CLPB: variants seen among roughly 807,000 people sequenced by gnomAD.
CLPB encodes the protein mitochondrial disaggregase.
In CLPB, 40 loss-of-function variants were observed where a neutral mutation model predicts 78.4. The ratio of observed to expected loss-of-function variants is 0.51; its 90% CI spans 0.40 to 0.66. The LOEUF (loss-of-function observed/expected upper bound fraction) is 0.66. Among genes scored for constraint, CLPB ranks in the 30% least tolerant of loss-of-function variants. The pLI is 0.00. For missense variants in CLPB, 780 were observed against 886.9 expected (o/e 0.88, Z 1.53); for synonymous variants, 333 against 348.0 (o/e 0.96, Z 0.48).
At chr11:72,403,150 G>A in intron 2 of CLPB, 98 bp from the exon 3 acceptor site, 1 of 1,098,826 alleles carries the variant, frequency 9.1e-7, no homozygotes, top group East Asian at 2.4e-5. Context: ...TCAGTGTATG[G>A]CTTATCATGG....
At chr11:72,377,578 TAA>T (rs1490781803) in intron 4 of CLPB, among the ~76,000 whole-genome samples, 5 of 142,090 alleles carry the variant, frequency 3.5e-5, no homozygotes, top group African/African-American at 1.3e-4. Context: ...CTGTCTGGCA[TAA>T]GAGTTAAAAA....
chr11:72,316,296 A>G (rs761097493), intron 7 of CLPB, among the ~76,000 whole-genome samples: 4 of 152,174 alleles, frequency 2.6e-5, no homozygotes, highest in Non-Finnish European at 5.9e-5. Flanking sequence ...TTCCCAGAAG[A>G]TAGTGATGCC....
At chr11:72,307,748 T>C (rs1949770698) in intron 8 of CLPB, among the ~76,000 whole-genome samples, 1 of 152,186 alleles carries the variant, frequency 6.6e-6, no homozygotes, top group African/African-American at 2.4e-5. Context: ...AGAGAAGGAA[T>C]GACAATACTG....
chr11:72,407,986 T>TCA, intron 2 of CLPB: 1 of 733,362 alleles, frequency 1.4e-6, no homozygotes, highest in Non-Finnish European at 2.3e-6. Context: ...GGAAGGCACA[T>TCA]CATCTGGCTA....
chr11:72,424,818 G>T (rs935749855), intron 2 of CLPB, among the ~76,000 whole-genome samples: 1 of 151,924 alleles, frequency 6.6e-6, no homozygotes, highest in African/African-American at 2.4e-5. Flanking sequence ...CCCGGGTGGC[G>T]GAGTTTGCAG....
intron 1 of CLPB, 181 bp from the exon 2 acceptor site, chr11:72,430,544 C>T: frequency 1.7e-6 from 1 of 589,634 alleles, no homozygotes; most frequent in Non-Finnish European, 3.0e-6. Context: ...CCACTGTTAA[C>T]AACCTGACTT....
intron 2 of CLPB, among the ~76,000 whole-genome samples, chr11:72,428,574 T>C (rs779128604): frequency 2.6e-5 from 4 of 152,186 alleles, no homozygotes; most frequent in Non-Finnish European, 5.9e-5. Flanking sequence ...CCTGGCTCTG[T>C]GGTCTTGTAT....
At chr11:72,335,628 C>G (rs1323336218) in intron 5 of CLPB, among the ~76,000 whole-genome samples, 3 of 152,222 alleles carry the variant, frequency 2.0e-5, no homozygotes, top group Non-Finnish European at 2.9e-5. Context: ...TGGGTACCAT[C>G]CTCTCTGCTC....
At chr11:72,330,563 C>G (rs1950206004) in intron 5 of CLPB, among the ~76,000 whole-genome samples, 1 of 152,224 alleles carries the variant, frequency 6.6e-6, no homozygotes, top group South Asian at 2.1e-4. Flanking sequence ...GAGGAAAGGT[C>G]ACTCTGACTC....
At chr11:72,370,158 G>A (rs1209978496) in intron 4 of CLPB, among the ~76,000 whole-genome samples, 1 of 152,010 alleles carries the variant, frequency 6.6e-6, no homozygotes, top group Non-Finnish European at 1.5e-5. Flanking sequence ...TGGAACTTTT[G>A]ATGAAAAAAT....
At chr11:72,343,351 G>C (rs535972122) in intron 5 of CLPB, among the ~76,000 whole-genome samples, 2 of 152,242 alleles carry the variant, frequency 1.3e-5, no homozygotes, top group South Asian at 4.2e-4. Context: ...ATGTGGGGGT[G>C]GGGGAGGTAG....
At chr11:72,386,672 C>A (rs748719597) in intron 3 of CLPB, among the ~76,000 whole-genome samples, 1 of 152,160 alleles carries the variant, frequency 6.6e-6, no homozygotes, top group African/African-American at 2.4e-5. Flanking sequence ...TATATGTGAC[C>A]TAAATCAGTT....
chr11:72,297,529 C>T (rs1949571562), intron 11 of CLPB, among the ~76,000 whole-genome samples: 1 of 152,166 alleles, frequency 6.6e-6, no homozygotes, highest in Non-Finnish European at 1.5e-5. Flanking sequence ...AGCAAGGGTG[C>T]AAGCAGATGT....
intron 5 of CLPB, among the ~76,000 whole-genome samples, chr11:72,347,471 A>C (rs764470667): frequency 3.3e-5 from 5 of 152,180 alleles, no homozygotes; most frequent in African/African-American, 1.2e-4. Context: ...ACCAAAAGCT[A>C]TCTCTTCATA....
chr11:72,424,213 T>C (rs1856295353), intron 2 of CLPB, among the ~76,000 whole-genome samples: 1 of 152,234 alleles, frequency 6.6e-6, no homozygotes, highest in Admixed American at 6.5e-5. Flanking sequence ...TGTTCTATCA[T>C]ATTTTTATGC....
At chr11:72,297,719 T>C in intron 11 of CLPB, among the ~76,000 whole-genome samples, 1 of 145,660 alleles carries the variant, frequency 6.9e-6, no homozygotes, top group African/African-American at 2.5e-5. Flanking sequence ...TCCAAGCATG[T>C]GCATATGACT....
In CLPB at chr11:72,293,324, C is replaced by G. The variant is rs757769460; in HGVS notation, c.*43G>C. On this transcript the variant is annotated 3_prime_UTR_variant, in exon 16 of 16. Transcript: ENST00000538039. ...AGTTGCCATGCCACAGCCAAGGGGC[C>G]TTTATTGGATGGTGAGGGCACATAG... 11 of 1,597,626 alleles carry G rather than the reference C, an allele frequency of 6.9e-6. No individual in the cohort carries two copies. In the Admixed American group the frequency reaches 1.5e-4, roughly 22 times the overall value.
At chr11:72,322,014 A>G (rs530168443) in intron 6 of CLPB, among the ~76,000 whole-genome samples, 15 of 152,154 alleles carry the variant, frequency 9.9e-5, no homozygotes, top group Non-Finnish European at 1.9e-4. Flanking sequence ...GGGGAATGAT[A>G]AAAGAGGAGC....
intron 3 of CLPB, among the ~76,000 whole-genome samples, chr11:72,400,915 C>T (rs1256262663): frequency 6.6e-6 from 1 of 152,168 alleles, no homozygotes; most frequent in Admixed American, 6.5e-5. Context: ...TGTCTCCTTA[C>T]CTGCATTTGT....
Sources: gnomAD v4.1 joint callset for allele counts (sites outside exome capture counted in the v4.1 genomes callset) on GRCh38, gnomAD v4.1.1 for gene constraint, MANE v1.5 for transcripts, NCBI Gene and HGNC (gene_info 2026-07-23, HGNC 2026-07-21) for gene names.